FARS2: variants seen among roughly 807,000 people sequenced by gnomAD.
The protein encoded by FARS2 is phenylalanyl-tRNA synthetase 2, mitochondrial, also known as phenylalanine--tRNA ligase, mitochondrial.
A neutral mutation model predicts 46.4 loss-of-function variants in FARS2; 40 were observed. The ratio of observed to expected loss-of-function variants is 0.86; its 90% CI spans 0.67 to 1.12. The LOEUF is 1.12. FARS2 is among the 50% of genes most tolerant of loss of function. The pLI, the probability that FARS2 is intolerant of heterozygous loss-of-function variation, is 0.00. For missense variants in FARS2, 513 were observed against 567.9 expected (o/e 0.90, Z 0.98); for synonymous variants, 234 against 214.9 (o/e 1.09, Z -0.78).
intron 4 of FARS2, chr6:5,431,576 C>A (rs80045173): frequency 0.026 from 13,064 of 495,096 alleles, 344 homozygotes; most frequent in South Asian, 0.066. Context: ...AGTATAGTGT[C>A]CCAAATTCAG....
At chr6:5,496,250 G>T (rs958693275) in intron 4 of FARS2, among the ~76,000 whole-genome samples, 1 of 151,990 alleles carries the variant, frequency 6.6e-6, no homozygotes, top group Non-Finnish European at 1.5e-5. Flanking sequence ...GCTTAAGTGC[G>T]CCATTTGTCA....
chr6:5,296,165 G>A lies in FARS2; in HGVS notation c.-22+34505G>A, dbSNP rs529843013. On this transcript the variant is annotated intron_variant, in intron 1 of 6. Transcript: ENST00000274680. The stretch of plus-strand genomic sequence containing the variant: ...TTTTTTTTTTTTTTTTTTTTGAGAC[G>A]AAGTCTAGCTCTGTCGCCTGGGCTG... Among the ~76,000 whole-genome samples the A allele has an allele frequency of 2.8e-3, 237 of 83,738 alleles. 1 individual carries two copies. Among genetic ancestry groups the A allele is most frequent in the African/African-American group, 0.013 (231 of 17,840 alleles). 54.9% of individuals were successfully genotyped at this position (83,738 alleles called of 152,430 possible). A position where few individuals can be genotyped will look rare whatever the true frequency, so the allele number is the denominator to read the frequency against.
intron 1 of FARS2, among the ~76,000 whole-genome samples, chr6:5,309,077 G>A (rs1768917499): frequency 6.6e-6 from 1 of 152,098 alleles, no homozygotes; most frequent in African/African-American, 2.4e-5. Context: ...ATGAATTTTG[G>A]GGGCCCACAA....
chr6:5,358,035 G>A (rs1758047811), intron 1 of FARS2, among the ~76,000 whole-genome samples: 1 of 152,152 alleles, frequency 6.6e-6, no homozygotes, highest in Non-Finnish European at 1.5e-5. Context: ...GAGTTTATAT[G>A]CAGTGACTTC....
At chr6:5,697,634 A>G (rs1394647152) in intron 6 of FARS2, among the ~76,000 whole-genome samples, 3 of 152,238 alleles carry the variant, frequency 2.0e-5, no homozygotes, top group Non-Finnish European at 4.4e-5. Context: ...ATGGCTTTCA[A>G]CAAACAAAGG....
intron 4 of FARS2, among the ~76,000 whole-genome samples, chr6:5,432,529 T>TATA (rs1562037131): frequency 1.7e-3 from 19 of 11,402 alleles, no homozygotes; most frequent in African/African-American, 4.7e-3. Flanking sequence ...ATATATATAT[T>TATA]TTTTTTTTTC....
At chr6:5,403,278 T>C (rs1761367053) in intron 2 of FARS2, among the ~76,000 whole-genome samples, 1 of 152,088 alleles carries the variant, frequency 6.6e-6, no homozygotes, top group African/African-American at 2.4e-5. Context: ...GTTCAGAAAA[T>C]GTGATACCTG....
chr6:5,323,474 C>A lies in FARS2; in HGVS notation c.-21-45076C>A, dbSNP rs529562241. ...TATGACTCGAGAGATGCTGAAAAAA[C>A]CTCCTACTGCTTTCCTTGTACCTCA... is the stretch of plus-strand genomic sequence containing the variant. On this transcript the variant is annotated intron_variant, in intron 1 of 6. Transcript: ENST00000274680. 2.0e-5 allele frequency among the ~76,000 whole-genome samples: 3 copies of A among 152,302 alleles called. No individual in the cohort carries two copies. In the East Asian group the frequency reaches 5.8e-4, roughly 29 times the overall value.
chr6:5,574,218 G>A (rs867849003), intron 5 of FARS2, among the ~76,000 whole-genome samples: 22 of 151,896 alleles, frequency 1.4e-4, no homozygotes, highest in African/African-American at 3.9e-4. Context: ...TGCAGCTCCC[G>A]GGTTCAGCTG....
chr6:5,605,487 G>C (rs529984491), intron 5 of FARS2, among the ~76,000 whole-genome samples: 37 of 152,326 alleles, frequency 2.4e-4, no homozygotes, highest in Admixed American at 5.9e-4. Context: ...ATCATCAGCC[G>C]TATCACCATT....
chr6:5,652,603 C>T (rs1430436489), intron 6 of FARS2, among the ~76,000 whole-genome samples: 1 of 152,234 alleles, frequency 6.6e-6, no homozygotes, highest in Non-Finnish European at 1.5e-5. Flanking sequence ...GCCCTTCAGG[C>T]CTTCATTTCT....
intron 6 of FARS2, among the ~76,000 whole-genome samples, chr6:5,752,526 A>C (rs770619675): frequency 6.6e-6 from 1 of 152,194 alleles, no homozygotes; most frequent in East Asian, 1.9e-4. Flanking sequence ...CAAATGCCAC[A>C]AACAGCCAGG....
chr6:5,720,135 C>T (rs1040772207), intron 6 of FARS2, among the ~76,000 whole-genome samples: 1 of 151,854 alleles, frequency 6.6e-6, no homozygotes, highest in Non-Finnish European at 1.5e-5. Context: ...GCTGCAATAC[C>T]AATAGTTAAA....
At chr6:5,589,730 T>C (rs1041249815) in intron 5 of FARS2, among the ~76,000 whole-genome samples, 7 of 152,238 alleles carry the variant, frequency 4.6e-5, no homozygotes, top group African/African-American at 1.7e-4. Flanking sequence ...GCAAAATGCT[T>C]TATGAAAATA....
intron 3 of FARS2, among the ~76,000 whole-genome samples, chr6:5,428,733 C>G (rs1762990568): frequency 6.6e-6 from 1 of 152,112 alleles, no homozygotes; most frequent in Admixed American, 6.5e-5. Context: ...TGTATAAATC[C>G]CTTCTTCTCA....
intron 6 of FARS2, among the ~76,000 whole-genome samples, chr6:5,757,616 C>A (rs114630748): frequency 1.3e-5 from 2 of 152,152 alleles, no homozygotes; most frequent in Non-Finnish European, 2.9e-5. Context: ...AGACGTTGAC[C>A]GCAAACGTCA....
intron 6 of FARS2, among the ~76,000 whole-genome samples, chr6:5,689,571 T>C (rs1757528766): frequency 6.6e-6 from 1 of 152,246 alleles, no homozygotes; most frequent in African/African-American, 2.4e-5. Context: ...AAACAGTTTG[T>C]TATAATTTCT....
intron 1 of FARS2, among the ~76,000 whole-genome samples, chr6:5,299,018 G>C (rs566252779): frequency 6.6e-6 from 1 of 152,088 alleles, no homozygotes; most frequent in Admixed American, 6.5e-5. Context: ...TCTTTATAGA[G>C]TATGTTTTTA....
At chr6:5,458,958 C>T (rs560997241) in intron 4 of FARS2, among the ~76,000 whole-genome samples, 1 of 152,258 alleles carries the variant, frequency 6.6e-6, no homozygotes, top group South Asian at 2.1e-4. Flanking sequence ...AGTTTTTATT[C>T]TTTTGTTCTC....
Sources: allele counts gnomAD v4.1 joint callset (sites outside exome capture counted in the v4.1 genomes callset), GRCh38; gene constraint gnomAD v4.1.1; transcripts MANE v1.5; gene names NCBI Gene and HGNC (gene_info 2026-07-23, HGNC 2026-07-21).